The following ADAM9 variants were observed in gnomAD, a reference collection of about 807,000 sequenced individuals.
The protein encoded by ADAM9 is ADAM metallopeptidase domain 9, also known as disintegrin and metalloproteinase domain-containing protein 9.
ADAM9 carries 54 observed loss-of-function variants against 108.1 expected under a neutral mutation model. That is an observed-to-expected ratio of 0.50 (90% CI 0.40 to 0.63). The LOEUF is 0.63. Ranked by LOEUF, ADAM9 falls within the 20% of genes least tolerant of loss-of-function variation. The pLI is 0.00. For missense variants in ADAM9, 830 were observed against 997.7 expected, an observed-to-expected ratio of 0.83 and a Z score of 2.26; for synonymous variants, 316 against 336.0, an observed-to-expected ratio of 0.94 and a Z score of 0.65.
At chr8:39,021,060 G>T (rs1358886680) in intron 7 of ADAM9, among the ~76,000 whole-genome samples, 3 of 152,122 alleles carry the variant, frequency 2.0e-5, no homozygotes, top group Non-Finnish European at 4.4e-5. Flanking sequence ...GGAACATTAA[G>T]AAGATAATTC....
intron 18 of ADAM9, among the ~76,000 whole-genome samples, chr8:39,087,019 C>T (rs1386623809): frequency 1.3e-5 from 2 of 152,216 alleles, no homozygotes; most frequent in Non-Finnish European, 2.9e-5. Context: ...GGTCTCCTTA[C>T]ATGCATATAT....
At chr8:39,046,580 A>G (rs1434794533) in intron 12 of ADAM9, among the ~76,000 whole-genome samples, 1 of 152,078 alleles carries the variant, frequency 6.6e-6, no homozygotes, top group African/African-American at 2.4e-5. Flanking sequence ...ACTAGGTATG[A>G]TTTTAGCTAT....
chr8:39,059,555 C>G (rs528545910), intron 14 of ADAM9, among the ~76,000 whole-genome samples: 3 of 152,346 alleles, frequency 2.0e-5, no homozygotes, highest in South Asian at 2.1e-4. Flanking sequence ...ATGAGTCATC[C>G]TATCTACTTG....
intron 1 of ADAM9, among the ~76,000 whole-genome samples, chr8:39,000,758 C>T (rs9657200): frequency 0.42 from 63,576 of 151,890 alleles, 14,074 homozygotes; most frequent in East Asian, 0.73. Flanking sequence ...TGAACCACCA[C>T]ACCTGGCCTT....
At position 39,055,743 on chromosome 8, in the gene ADAM9, A is replaced by T; in HGVS notation, c.1562A>T (p.Asp521Val). ...YCYNGMCQYY[D>V]AQCQVIFGSK... ...TACAACGGCATGTGCCAGTATTATG[A>T]TGCTCAATGTCAAGTCATCTTTGGC... is the stretch of plus-strand genomic sequence containing the variant. The change falls in exon 14 of 22, where the codon GAT becomes GTT. Residue 521 changes from aspartate to valine, a missense_variant. Transcript: ENST00000487273. 1.2e-6 allele frequency: 2 copies of T among 1,613,604 alleles called. No individual in the cohort carries two copies. Among genetic ancestry groups the T allele is most frequent in the Non-Finnish European group, 1.7e-6 (2 of 1,179,692 alleles).
chr8:39,076,541 G>GT (rs535341068), intron 15 of ADAM9, among the ~76,000 whole-genome samples: 2 of 152,178 alleles, frequency 1.3e-5, no homozygotes, highest in Non-Finnish European at 2.9e-5. Flanking sequence ...CAGATATAGA[G>GT]TAGGTGCTTG....
chr8:39,033,683 A>G (rs1837175653), intron 11 of ADAM9, among the ~76,000 whole-genome samples: 1 of 152,144 alleles, frequency 6.6e-6, no homozygotes, highest in South Asian at 2.1e-4. Flanking sequence ...CCACTGAGAA[A>G]GAAATATGGT....
chr8:39,069,026 C>T (rs1038980650), intron 14 of ADAM9, among the ~76,000 whole-genome samples: 2 of 152,118 alleles, frequency 1.3e-5, no homozygotes, highest in East Asian at 3.9e-4. Flanking sequence ...GCCACCTGCC[C>T]CTCCTTATTC....
At chr8:39,034,574 A>G (rs1837208211) in intron 11 of ADAM9, among the ~76,000 whole-genome samples, 1 of 152,104 alleles carries the variant, frequency 6.6e-6, no homozygotes, top group Non-Finnish European at 1.5e-5. Flanking sequence ...GTAGTAGTGT[A>G]TCTCTTAGTT....
intron 1 of ADAM9, among the ~76,000 whole-genome samples, chr8:39,004,462 G>A (rs76707290): frequency 3.3e-5 from 5 of 152,180 alleles, no homozygotes; most frequent in Non-Finnish European, 7.3e-5. Context: ...TGATCCTCCT[G>A]CCTTGGCCTC....
rs368736131 is a variant in ADAM9 at position 39,009,025 on chromosome 8, G to A, written c.195+1042G>A. Among the ~76,000 whole-genome samples the A allele has an allele frequency of 1.8e-3, 279 of 152,256 alleles. 1 individual carries two copies. The highest frequency in any genetic ancestry group is 3.0e-3 in the Non-Finnish European group (202 of 68,010). On this transcript the variant is annotated intron_variant, in intron 2 of 21. Transcript: ENST00000487273. ...GATACACTCAGAAATGTAAGGCAGC[G>A]TGCCTGTTTTTTAGGGAGTGGGCAT...
chr8:39,022,334 C>A (rs762210893), intron 8 of ADAM9, among the ~76,000 whole-genome samples: 4 of 152,000 alleles, frequency 2.6e-5, no homozygotes, highest in Non-Finnish European at 5.9e-5. Context: ...CTTACAGTAC[C>A]CCTATGAAAT....
At chr8:39,067,130 T>C (rs1240311885) in intron 14 of ADAM9, among the ~76,000 whole-genome samples, 1 of 152,224 alleles carries the variant, frequency 6.6e-6, no homozygotes, top group Non-Finnish European at 1.5e-5. Flanking sequence ...TTGGTACCAG[T>C]ACCATGCTAT....
At chr8:39,008,658 G>A (rs1836245506) in intron 2 of ADAM9, among the ~76,000 whole-genome samples, 1 of 152,084 alleles carries the variant, frequency 6.6e-6, no homozygotes, top group Admixed American at 6.6e-5. Flanking sequence ...ACCTCACTCA[G>A]TTTGTGATAG....
chr8:39,019,139 A>AT lies in ADAM9; in HGVS notation c.672+230dup, dbSNP rs200002472. On this transcript the variant is annotated intron_variant, in intron 7 of 21. Coordinates refer to ENST00000487273, the MANE Select transcript of ADAM9 (RefSeq NM_003816.3). ...CCTTTAACTTTATCTTTTATTAATG[A>AT]TTTTTTTTTCTTTTTCTTGCTGATG... Among the ~76,000 whole-genome samples, 415 of 151,528 alleles carry AT rather than the reference A, an allele frequency of 2.7e-3. 2 individuals are homozygous for AT. The highest frequency in any genetic ancestry group is 9.4e-3 in the African/African-American group (389 of 41,304).
At chr8:39,042,581 A>C (rs1361532885) in intron 12 of ADAM9, among the ~76,000 whole-genome samples, 1 of 152,108 alleles carries the variant, frequency 6.6e-6, no homozygotes, top group African/African-American at 2.4e-5. Flanking sequence ...AAAAAAAAAA[A>C]ATTCAAGTAG....
At position 39,101,947 on chromosome 8, in the gene ADAM9, C is replaced by G. The variant is rs1157526909; in HGVS notation, c.2366+17C>G. ...CCCATCAAGGTCAGAAGAAAATTTG[C>G]TTAGATTTTTTGGCCAGAATAAAAC... On this transcript the variant is annotated intron_variant, in intron 21 of 21. Coordinates refer to ENST00000487273, the MANE Select transcript of ADAM9 (RefSeq NM_003816.3). The G allele has an allele frequency of 6.2e-7, 1 of 1,608,426 alleles. No homozygotes were observed. Among genetic ancestry groups the G allele is most frequent in the Admixed American group, 1.7e-5 (1 of 59,992 alleles).
rs550345945 is a variant in ADAM9 at position 39,092,634 on chromosome 8, TA to T, written c.2298+1298del. On this transcript the variant is annotated intron_variant, in intron 20 of 21. Coordinates refer to ENST00000487273, the MANE Select transcript of ADAM9 (RefSeq NM_003816.3). ...TTTTTTGTAAATTTAACAGTAGTGG[TA>T]AAAAAAAAACCCACTAATATTTACC... Among the ~76,000 whole-genome samples, 138 of 148,432 alleles carry T rather than the reference TA, an allele frequency of 9.3e-4. 1 individual carries two copies. Among genetic ancestry groups the T allele is most frequent in the South Asian group, 5.3e-3 (25 of 4,704 alleles).
intron 12 of ADAM9, among the ~76,000 whole-genome samples, chr8:39,046,995 C>G (rs1837796270): frequency 6.6e-6 from 1 of 152,186 alleles, no homozygotes; most frequent in South Asian, 2.1e-4. Flanking sequence ...TCTCGAACTC[C>G]TGGACTCAAG....
Sources: allele counts gnomAD v4.1 joint callset (sites outside exome capture counted in the v4.1 genomes callset), GRCh38; gene constraint gnomAD v4.1.1; transcripts MANE v1.5; gene names NCBI Gene and HGNC (gene_info 2026-07-23, HGNC 2026-07-21).